The following PRKCB variants were observed in gnomAD, a reference collection of about 807,000 sequenced individuals.
PRKCB encodes the protein protein kinase C beta, also known as protein kinase C beta type.
In PRKCB, 13 loss-of-function variants were observed where a neutral mutation model predicts 81.5. The observed-to-expected ratio is 0.16, with a 90% CI of 0.10 to 0.25. PRKCB has a LOEUF of 0.25. Ranked by LOEUF, PRKCB falls within the 10% of genes least tolerant of loss-of-function variation. The pLI is 1.00. For synonymous variants in PRKCB, 335 were observed against 321.4 expected (o/e 1.04, Z -0.45); for missense variants, 509 against 875.7 (o/e 0.58, Z 5.29).
intron 9 of PRKCB, among the ~76,000 whole-genome samples, chr16:24,129,817 GT>G (rs1966850700): frequency 6.6e-6 from 1 of 152,162 alleles, no homozygotes; most frequent in Admixed American, 6.5e-5. Context: ...TATAAAATGT[GT>G]ATAGACCAAT....
At chr16:23,984,923 A>G (rs1964783267) in intron 2 of PRKCB, among the ~76,000 whole-genome samples, 1 of 152,148 alleles carries the variant, frequency 6.6e-6, no homozygotes, top group Non-Finnish European at 1.5e-5. Context: ...GAACTACGAC[A>G]GGGGGAAAAG....
rs1596604795 is a variant in PRKCB, at chr16:24,217,051, G to A, written c.*2235G>A. ...ACTAGGCCATTGACAAATGATCTGA[G>A]ACAACTTTAGAAAACAATGTAGGAT... On this transcript the variant is annotated 3_prime_UTR_variant, in exon 17 of 17. Transcript: ENST00000643927. 1.0e-6 allele frequency: 1 copy of A among 983,076 alleles called. No homozygotes were observed. Among genetic ancestry groups the A allele is most frequent in the East Asian group, 1.1e-4 (1 of 8,734 alleles). 60.9% of individuals were successfully genotyped at this position (983,076 alleles called of 1,614,324 possible).
At chr16:23,966,069 A>C (rs1596490330) in intron 2 of PRKCB, among the ~76,000 whole-genome samples, 1 of 152,350 alleles carries the variant, frequency 6.6e-6, no homozygotes, top group South Asian at 2.1e-4. Flanking sequence ...CTAGAGGCTG[A>C]GCAAAACTCT....
At chr16:24,112,281 C>T (rs1415604567) in intron 7 of PRKCB, among the ~76,000 whole-genome samples, 1 of 152,100 alleles carries the variant, frequency 6.6e-6, no homozygotes, top group Non-Finnish European at 1.5e-5. Context: ...GTGGGGGTTG[C>T]AATTTGGGAG....
intron 2 of PRKCB, among the ~76,000 whole-genome samples, chr16:23,851,041 A>G (rs922606004): frequency 2.6e-5 from 4 of 152,202 alleles, no homozygotes; most frequent in African/African-American, 9.6e-5. Context: ...AGCATTTGCA[A>G]ATATTTTTCC....
chr16:24,137,002 C>G (rs987765355), intron 9 of PRKCB, among the ~76,000 whole-genome samples: 1 of 151,836 alleles, frequency 6.6e-6, no homozygotes, highest in Admixed American at 6.6e-5. Flanking sequence ...CTCAGCTTCC[C>G]GAGTAGCTGG....
chr16:24,120,624 C>T (rs1966789091), intron 8 of PRKCB, among the ~76,000 whole-genome samples: 1 of 152,130 alleles, frequency 6.6e-6, no homozygotes, highest in Non-Finnish European at 1.5e-5. Flanking sequence ...GGGAGCTGTC[C>T]TTCATCTCCA....
At chr16:23,985,207 C>G (rs570272487) in intron 2 of PRKCB, among the ~76,000 whole-genome samples, 1 of 152,244 alleles carries the variant, frequency 6.6e-6, no homozygotes, top group Non-Finnish European at 1.5e-5. Flanking sequence ...TCTACTGCCT[C>G]AGCCTTCCAA....
At chr16:24,035,392 C>A in intron 4 of PRKCB, 27 bp from the exon 5 acceptor site, 1 of 1,610,328 alleles carries the variant, frequency 6.2e-7, no homozygotes. Flanking sequence ...CCAGCCTAAG[C>A]CACATCCCCT....
intron 7 of PRKCB, among the ~76,000 whole-genome samples, chr16:24,095,076 T>G (rs1185865015): frequency 6.6e-6 from 1 of 152,166 alleles, no homozygotes; most frequent in Non-Finnish European, 1.5e-5. Context: ...GTCACCGTCC[T>G]CACCACTCCC....
intron 4 of PRKCB, among the ~76,000 whole-genome samples, chr16:24,032,572 C>T (rs1264259719): frequency 6.6e-6 from 1 of 152,162 alleles, no homozygotes; most frequent in Non-Finnish European, 1.5e-5. Context: ...GCTGTCTGGG[C>T]CATGGTGGCC....
intron 9 of PRKCB, among the ~76,000 whole-genome samples, chr16:24,139,011 C>T (rs1966877202): frequency 6.6e-6 from 1 of 151,862 alleles, no homozygotes; most frequent in African/African-American, 2.4e-5. Context: ...ACCACTATGC[C>T]CGGCTAAATT....
intron 3 of PRKCB, among the ~76,000 whole-genome samples, chr16:24,010,939 A>G (rs1039934337): frequency 1.3e-5 from 2 of 152,086 alleles, no homozygotes; most frequent in Admixed American, 6.6e-5. Context: ...ATCACGGCTC[A>G]CTGCAGCCTC....
At chr16:24,185,345 G>A in intron 14 of PRKCB, 115 bp from the exon 15 acceptor site, 1 of 1,209,118 alleles carries the variant, frequency 8.3e-7, no homozygotes, top group Non-Finnish European at 1.2e-6. Context: ...TCATTTGAAA[G>A]CCTGGGTGTG....
At chr16:24,108,904 G>A (rs1049250564) in intron 7 of PRKCB, among the ~76,000 whole-genome samples, 1 of 151,444 alleles carries the variant, frequency 6.6e-6, no homozygotes, top group Admixed American at 6.6e-5. Context: ...GGGCAGAGGG[G>A]CTCCTCACTT....
chr16:24,048,523 C>T lies in PRKCB; in HGVS notation c.529+12976C>T, dbSNP rs191374608. On this transcript the variant is annotated intron_variant, in intron 5 of 16. Transcript: ENST00000643927. ...TTTTTTTTTTTATAACAGAGTCTCA[C>T]TCTGTCGCCAGGCTGGAGTGCAGTG... Among the ~76,000 whole-genome samples, 20 of 150,828 alleles carry T rather than the reference C, an allele frequency of 1.3e-4. 1 individual carries two copies. The East Asian group carries it at 3.9e-3, about 29-fold the overall frequency.
chr16:24,209,940 C>G (rs908116978), intron 16 of PRKCB, among the ~76,000 whole-genome samples: 3 of 151,364 alleles, frequency 2.0e-5, no homozygotes, highest in African/African-American at 7.3e-5. Context: ...CCCACACACA[C>G]ACCCTGTGTC....
At chr16:23,898,140 A>G (rs1963410761) in intron 2 of PRKCB, among the ~76,000 whole-genome samples, 1 of 149,012 alleles carries the variant, frequency 6.7e-6, no homozygotes, top group African/African-American at 2.5e-5. Flanking sequence ...ATCTCGGTTC[A>G]CTGCAAGCTC....
rs568865373 is a variant in PRKCB, at chr16:24,214,638, C to A, written c.1864-20C>A. The A allele has an allele frequency of 3.1e-6, 5 of 1,601,220 alleles. No homozygotes were observed. Among genetic ancestry groups the A allele is most frequent in the East Asian group, 2.2e-5 (1 of 44,744 alleles). On this transcript the variant is annotated intron_variant, in intron 16 of 16. Transcript: ENST00000643927. Reference sequence around the variant, plus strand: ...TTTTTTTTCCCACCCACCACAAGTTCTTTTCTTCCCCTCTCATAGTGTGGG... The same window carrying A: ...TTTTTTTTCCCACCCACCACAAGTTATTTTCTTCCCCTCTCATAGTGTGGG...
Sources: allele counts gnomAD v4.1 joint callset (sites outside exome capture counted in the v4.1 genomes callset), GRCh38; gene constraint gnomAD v4.1.1; transcripts MANE v1.5; gene names NCBI Gene and HGNC (gene_info 2026-07-23, HGNC 2026-07-21).